TMEM74: variants seen among roughly 807,000 people sequenced by gnomAD.
The protein encoded by TMEM74 is transmembrane protein 74.
Under a neutral mutation model 18.1 loss-of-function variants are expected in TMEM74, and 13 were observed. The observed-to-expected ratio is 0.72, with a 90% CI of 0.47 to 1.14. The LOEUF is 1.14. TMEM74 is among the 50% of genes most tolerant of loss of function. The probability of loss-of-function intolerance (pLI) is 0.00; values close to 1 mark genes in which losing one functional copy is unlikely to be tolerated. For missense variants in TMEM74, 372 were observed against 375.9 expected (o/e 0.99, Z 0.09); for synonymous variants, 159 against 146.6 (o/e 1.08, Z -0.61).
chr8:108,616,927 A>G (rs1812389310), intron 2 of TMEM74, among the ~76,000 whole-genome samples: 1 of 151,616 alleles, frequency 6.6e-6, no homozygotes, highest in African/African-American at 2.4e-5. Flanking sequence ...ATATATATTT[A>G]TATATAGTGA....
At chr8:108,680,175 C>A (rs1259584519) in intron 1 of TMEM74, among the ~76,000 whole-genome samples, 1 of 152,172 alleles carries the variant, frequency 6.6e-6, no homozygotes, top group African/African-American at 2.4e-5. Flanking sequence ...ATGAGGCTAG[C>A]ATCATCCTGA....
At chr8:108,685,880 A>G (rs1035176721) in intron 1 of TMEM74, among the ~76,000 whole-genome samples, 12 of 152,162 alleles carry the variant, frequency 7.9e-5, no homozygotes, top group Non-Finnish European at 1.8e-4. Flanking sequence ...AAATAGCAAT[A>G]AAATTATTAA....
chr8:108,671,076 C>T (rs376421462), intron 1 of TMEM74, among the ~76,000 whole-genome samples: 3 of 152,120 alleles, frequency 2.0e-5, no homozygotes, highest in Non-Finnish European at 2.9e-5. Context: ...CAGGGAAGAA[C>T]GCTGAGACCT....
intron 1 of TMEM74, among the ~76,000 whole-genome samples, chr8:108,716,654 T>A (rs1234173647): frequency 6.6e-6 from 1 of 151,506 alleles, no homozygotes; most frequent in East Asian, 1.9e-4. Flanking sequence ...TTTAGAAAAA[T>A]TAGGTAAAAA....
At chr8:108,772,090 A>G (rs778123209) in intron 1 of TMEM74, among the ~76,000 whole-genome samples, 1 of 152,196 alleles carries the variant, frequency 6.6e-6, no homozygotes, top group African/African-American at 2.4e-5. Context: ...TAACTATTAT[A>G]TACTAATTAT....
chr8:108,774,390 A>ACAGAG (rs1432585703), downstream of TMEM74, among the ~76,000 whole-genome samples: 1 of 152,204 alleles, frequency 6.6e-6, no homozygotes. Context: ...TTGGAAGATG[A>ACAGAG]CAGAGCCTTT....
At chr8:108,751,285 GGA>G (rs1448088858) in intron 1 of TMEM74, among the ~76,000 whole-genome samples, 2 of 152,056 alleles carry the variant, frequency 1.3e-5, no homozygotes, top group Non-Finnish European at 2.9e-5. Context: ...ATATTTTTAG[GGA>G]GAGGCCGAGG....
At chr8:108,637,468 T>C (rs1200277244) in intron 2 of TMEM74, among the ~76,000 whole-genome samples, 1 of 152,066 alleles carries the variant, frequency 6.6e-6, no homozygotes, top group Non-Finnish European at 1.5e-5. Context: ...TCCCGGATTA[T>C]CTGAGTGGGC....
At chr8:108,632,020 AGG>A (rs1158636014) in intron 2 of TMEM74, among the ~76,000 whole-genome samples, 16 of 151,984 alleles carry the variant, frequency 1.1e-4, no homozygotes, top group African/African-American at 3.9e-4. Context: ...CCCTCATGGG[AGG>A]CTTACCATTT....
intron 1 of TMEM74, among the ~76,000 whole-genome samples, chr8:108,678,708 T>C (rs1813081084): frequency 6.6e-6 from 1 of 151,012 alleles, no homozygotes; most frequent in Admixed American, 6.6e-5. Context: ...TATTGCTTTA[T>C]AAGATTTATT....
chr8:108,730,147 C>G (rs192329490), intron 1 of TMEM74, among the ~76,000 whole-genome samples: 31 of 152,292 alleles, frequency 2.0e-4, no homozygotes, highest in African/African-American at 7.2e-4. Flanking sequence ...GCTAGTCTTT[C>G]TGTAACTTAA....
intron 2 of TMEM74, among the ~76,000 whole-genome samples, chr8:108,633,767 C>G (rs890127607): frequency 1.1e-4 from 17 of 152,114 alleles, no homozygotes; most frequent in African/African-American, 3.9e-4. Context: ...TCTAATGGAT[C>G]TTAGCCATGT....
At chr8:108,679,366 A>C (rs949848857) in intron 1 of TMEM74, among the ~76,000 whole-genome samples, 3 of 152,194 alleles carry the variant, frequency 2.0e-5, no homozygotes, top group Non-Finnish European at 4.4e-5. Flanking sequence ...TCCCACCAAC[A>C]GTGTAAAAGT....
intron 2 of TMEM74, chr8:108,653,244 C>T: frequency 6.3e-6 from 1 of 158,060 alleles, no homozygotes. Flanking sequence ...CCACTTGAGA[C>T]TCTTAACTGG....
intron 1 of TMEM74, among the ~76,000 whole-genome samples, chr8:108,674,355 A>C (rs906739521): frequency 1.3e-5 from 2 of 152,154 alleles, no homozygotes; most frequent in Non-Finnish European, 2.9e-5. Flanking sequence ...GATCCAAAAA[A>C]CAAAGTGAAT....
At chr8:108,726,346 C>G (rs573616849) in intron 1 of TMEM74, among the ~76,000 whole-genome samples, 1 of 152,196 alleles carries the variant, frequency 6.6e-6, no homozygotes, top group African/African-American at 2.4e-5. Flanking sequence ...AGCACATGAC[C>G]TCTTTTAAAG....
At chr8:108,638,277 G>T (rs1812626926) in intron 2 of TMEM74, among the ~76,000 whole-genome samples, 2 of 151,854 alleles carry the variant, frequency 1.3e-5, no homozygotes, top group African/African-American at 4.8e-5. Flanking sequence ...TTAGAAATTT[G>T]TACATACTTT....
At chr8:108,669,813 G>A (rs937878795) in intron 1 of TMEM74, among the ~76,000 whole-genome samples, 3 of 152,074 alleles carry the variant, frequency 2.0e-5, no homozygotes, top group East Asian at 1.9e-4. Context: ...TGAGGTGGGC[G>A]GATCACCTAA....
At chr8:108,774,669 T>C (rs1814208482), downstream of TMEM74, among the ~76,000 whole-genome samples, 1 of 152,210 alleles carries the variant, frequency 6.6e-6, no homozygotes. Context: ...AACCCTTGTT[T>C]AGGCTGCTGT....
Sources: gnomAD v4.1 joint callset for allele counts (sites outside exome capture counted in the v4.1 genomes callset) on GRCh38, gnomAD v4.1.1 for gene constraint, MANE v1.5 for transcripts, NCBI Gene and HGNC (gene_info 2026-07-23, HGNC 2026-07-21) for gene names.